The following ASB18 variants were observed in gnomAD, a reference collection of about 807,000 sequenced individuals.
The protein encoded by ASB18 is ankyrin repeat and SOCS box protein 18.
ASB18 carries 33 observed loss-of-function variants against 33.4 expected under a neutral mutation model. The ratio of observed to expected loss-of-function variants is 0.99; its 90% CI spans 0.75 to 1.32. ASB18 has a LOEUF of 1.32. Among genes scored for constraint, ASB18 ranks in the 40% most tolerant of loss-of-function variants. ASB18 has a pLI of 0.00. For synonymous variants in ASB18, 295 were observed against 307.6 expected (o/e 0.96, Z 0.43); for missense variants, 694 against 655.5 (o/e 1.06, Z -0.64).
chr2:236,261,186 A>G (rs1202380542), intron 1 of ASB18, among the ~76,000 whole-genome samples: 1 of 152,214 alleles, frequency 6.6e-6, no homozygotes, highest in Non-Finnish European at 1.5e-5. Flanking sequence ...AAATGAGGAA[A>G]TTAAGGTTCA....
In ASB18 at chr2:236,203,015, G is replaced by T. The variant is rs541303177; in HGVS notation, c.1102-6630C>A. Among the ~76,000 whole-genome samples, 94 of 151,852 alleles carry T rather than the reference G, an allele frequency of 6.2e-4. No individual in the cohort carries two copies. Among genetic ancestry groups the T allele is most frequent in the African/African-American group, 2.2e-3 (90 of 41,358 alleles). On this transcript the variant is annotated intron_variant, in intron 4 of 5. Coordinates refer to ENST00000409749, the MANE Select transcript of ASB18 (RefSeq NM_212556.4). The surrounding 1 kb of genome is among the most constrained non-coding windows in gnomAD (Gnocchi z 6.0). ...TCCTTCAGTAACAATTTTGGTATTT[G>T]CATTTAGTTTTACAATGTGTTTCCC... is the stretch of plus-strand genomic sequence containing the variant.
intron 1 of ASB18, among the ~76,000 whole-genome samples, chr2:236,243,124 A>G (rs950851632): frequency 5.1e-4 from 77 of 150,208 alleles, no homozygotes; most frequent in Non-Finnish European, 1.0e-3. Context: ...AGGTCAGGAG[A>G]TCGAGATCAT....
Position 236,194,740 on chromosome 2 carries a change from A to G in ASB18, c.*132T>C, listed in dbSNP as rs2060362782. ...TGAAGCTTGGCAAGGTCTGTGCTTC[A>G]CCCGGTCCCACGGAGAGCAAGTGGG... On this transcript the variant is annotated 3_prime_UTR_variant, in exon 6 of 6. Coordinates refer to ENST00000409749, the MANE Select transcript of ASB18 (RefSeq NM_212556.4). The surrounding 1 kb of genome is among the most constrained non-coding windows in gnomAD (Gnocchi z 4.5). 1 of 755,200 alleles carries G rather than the reference A, an allele frequency of 1.3e-6. No individual in the cohort carries two copies. The highest frequency in any genetic ancestry group is 2.2e-5 in the South Asian group (1 of 46,410). 46.8% of individuals were successfully genotyped at this position (755,200 alleles called of 1,614,324 possible). A position where few individuals can be genotyped will look rare whatever the true frequency, so the allele number is the denominator to read the frequency against.
chr2:236,233,339 T>C (rs2060575578), intron 3 of ASB18, among the ~76,000 whole-genome samples: 1 of 152,126 alleles, frequency 6.6e-6, no homozygotes, highest in Admixed American at 6.5e-5. Flanking sequence ...TCATACTTAG[T>C]GGTGAATTAA....
At position 236,214,341 on chromosome 2, in the gene ASB18, C is replaced by T; in HGVS notation, c.1101+21G>A. The T allele has an allele frequency of 1.3e-6, 2 of 1,557,894 alleles. No homozygotes were observed. The stretch of plus-strand genomic sequence containing the variant: ...GGCAAAACTCCAGGGCACGTGCCAG[C>T]CGGGCTGGATCCTGCCTTACCTTGG... On this transcript the variant is annotated intron_variant, in intron 4 of 5. Coordinates refer to ENST00000409749, the MANE Select transcript of ASB18 (RefSeq NM_212556.4). The surrounding 1 kb of genome is among the most constrained non-coding windows in gnomAD (Gnocchi z 6.5).
chr2:236,205,858 C>T lies in ASB18; in HGVS notation c.1101+8504G>A, dbSNP rs6754475. 0.026 allele frequency among the ~76,000 whole-genome samples: 3,918 copies of T among 152,258 alleles called. 169 individuals are homozygous for T. The highest frequency in any genetic ancestry group is 0.084 in the African/African-American group (3,483 of 41,536). On this transcript the variant is annotated intron_variant, in intron 4 of 5. Coordinates refer to ENST00000409749, the MANE Select transcript of ASB18 (RefSeq NM_212556.4). The surrounding 1 kb of genome is among the most constrained non-coding windows in gnomAD (Gnocchi z 5.4). ...ATTTCATTGTCTTATGTTACTATTA[C>T]AGCAGAAACATCTGAGTCCAGCCTG...
rs1311217417 is a variant in ASB18 at position 236,196,243 on chromosome 2, A to G, written c.1215+29T>C. On this transcript the variant is annotated intron_variant, in intron 5 of 5. Coordinates refer to ENST00000409749, the MANE Select transcript of ASB18 (RefSeq NM_212556.4). The surrounding 1 kb of genome is among the most constrained non-coding windows in gnomAD (Gnocchi z 5.6). ...CAAAAACAGACAAAAGTTTTGTACTAAAGATGGGCAGAAAGGCAGCCCTCT... is the reference window on the plus strand; with the variant it reads ...CAAAAACAGACAAAAGTTTTGTACTGAAGATGGGCAGAAAGGCAGCCCTCT... 1.5e-6 allele frequency: 2 copies of G among 1,292,704 alleles called. No individual in the cohort carries two copies. The highest frequency in any genetic ancestry group is 2.5e-5 in the South Asian group (2 of 78,936). The allele number at this position is 1,292,704 out of a possible 1,614,324, so 80.1% of individuals were successfully genotyped here.
intron 3 of ASB18, among the ~76,000 whole-genome samples, chr2:236,233,953 GGAA>G (rs2060577816): frequency 6.6e-6 from 1 of 152,186 alleles, no homozygotes; most frequent in Non-Finnish European, 1.5e-5. Context: ...ACTTCAAGAA[GGAA>G]GAACTATGCT....
Position 236,194,932 on chromosome 2 carries a change from T to G in ASB18, c.1341A>C (p.Leu447Phe). Residue 447 changes from leucine to phenylalanine, a missense_variant, in exon 6 of 6, where the codon TTA becomes TTC. Coordinates refer to ENST00000409749, the MANE Select transcript of ASB18 (RefSeq NM_212556.4). The surrounding 1 kb of genome is among the most constrained non-coding windows in gnomAD (Gnocchi z 4.5). ...GKRCFDLIPLLPLPKPLQNYL... is the reference protein window; with the variant it reads ...GKRCFDLIPLFPLPKPLQNYL... Reference sequence around the variant, plus strand: ...AATTCTGCAGGGGCTTTGGCAAGGGTAACAGGGGGATGAGGTCAAAGCACC... The same window carrying G: ...AATTCTGCAGGGGCTTTGGCAAGGGGAACAGGGGGATGAGGTCAAAGCACC... 6.2e-7 allele frequency: 1 copy of G among 1,613,698 alleles called. No homozygotes were observed. The highest frequency in any genetic ancestry group is 8.5e-7 in the Non-Finnish European group (1 of 1,179,812).
chr2:236,196,436 T>A lies in ASB18; in HGVS notation c.1102-51A>T. On this transcript the variant is annotated intron_variant, in intron 4 of 5. Coordinates refer to ENST00000409749, the MANE Select transcript of ASB18 (RefSeq NM_212556.4). This position sits in a 1 kb window ranked among gnomAD's most constrained non-coding sequence, Gnocchi z 5.6. The stretch of plus-strand genomic sequence containing the variant: ...GCGTAGGCCGACTGGGTTCTGGGTC[T>A]CAGTGGGGAAAGGGTGGGGGGTGTG... 3.2e-6 allele frequency: 3 copies of A among 949,126 alleles called. No individual in the cohort carries two copies. Among genetic ancestry groups the A allele is most frequent in the Non-Finnish European group, 5.0e-6 (3 of 602,206 alleles). The allele number at this position is 949,126 out of a possible 1,614,324, so 58.8% of individuals were successfully genotyped here.
At position 236,217,424 on chromosome 2, in the gene ASB18, A is replaced by AATAATAAT. The variant is rs1553600512; in HGVS notation, c.597-2559_597-2558insATTATTAT. ...CGAGACTCTGTCTCAAAAAAAAAAA[A>AATAATAAT]AAATAAATCTTGGCACCTTCAACTC... On this transcript the variant is annotated intron_variant, in intron 3 of 5. Transcript: ENST00000409749. The surrounding 1 kb of genome is among the most constrained non-coding windows in gnomAD (Gnocchi z 5.2). Among the ~76,000 whole-genome samples the AATAATAAT allele has an allele frequency of 3.1e-4, 47 of 150,406 alleles. No individual in the cohort carries two copies. Among genetic ancestry groups the AATAATAAT allele is most frequent in the South Asian group, 2.1e-3 (10 of 4,760 alleles).
intron 1 of ASB18, among the ~76,000 whole-genome samples, chr2:236,261,765 C>T (rs910280446): frequency 3.3e-5 from 5 of 152,144 alleles, no homozygotes; most frequent in Admixed American, 1.3e-4. Flanking sequence ...CACAGTTCCA[C>T]GTGGCTGGGG....
rs777234124 is a variant in ASB18, at chr2:236,252,800, C to CAG, written c.205+11339_205+11340dup. 3.3e-5 allele frequency among the ~76,000 whole-genome samples: 5 copies of CAG among 152,178 alleles called. No homozygotes were observed. Among genetic ancestry groups the CAG allele is most frequent in the Admixed American group, 6.5e-5 (1 of 15,278 alleles). ...AGGGGCCTAGATCCTTTGGTGGACA[C>CAG]AGAGATGAACCACCCAGGCCCCAGC... On this transcript the variant is annotated intron_variant, in intron 1 of 5. Transcript: ENST00000409749. This position sits in a 1 kb window ranked among gnomAD's most constrained non-coding sequence, Gnocchi z 7.9.
Position 236,194,915 on chromosome 2 carries a change from A to C in ASB18, c.1358T>G (p.Leu453Arg), listed in dbSNP as rs915693208. The change falls in exon 6 of 6, where the codon CTG becomes CGG. Residue 453 changes from leucine (L) to arginine (R), a missense_variant. Leu to Arg is a moderately radical substitution (Grantham distance 102). Transcript: ENST00000409749. This position sits in a 1 kb window ranked among gnomAD's most constrained non-coding sequence, Gnocchi z 4.5. ...LIPLLPLPKP[L>R]QNYLLLEPQG... ...TGGCTCCAAAAGTAGGTAATTCTGC[A>C]GGGGCTTTGGCAAGGGTAACAGGGG... 1 of 1,613,826 alleles carries C rather than the reference A, an allele frequency of 6.2e-7. No homozygotes were observed. The highest frequency in any genetic ancestry group is 1.7e-5 in the Admixed American group (1 of 59,998).
rs2060671293 is a variant in ASB18, at chr2:236,252,135, G to A, written c.206-10733C>T. Among the ~76,000 whole-genome samples, 1 of 152,108 alleles carries A rather than the reference G, an allele frequency of 6.6e-6. No homozygotes were observed. Among genetic ancestry groups the A allele is most frequent in the Non-Finnish European group, 1.5e-5 (1 of 68,022 alleles). The stretch of plus-strand genomic sequence containing the variant: ...AAAGTACAAAAATCAGCTGAGGGTG[G>A]TGGTGTGCGGCTGCAGTCCCAGCTA... On this transcript the variant is annotated intron_variant, in intron 1 of 5. Coordinates refer to ENST00000409749, the MANE Select transcript of ASB18 (RefSeq NM_212556.4). This position sits in a 1 kb window ranked among gnomAD's most constrained non-coding sequence, Gnocchi z 7.9.
At chr2:236,212,797 T>A (rs79307443) in intron 4 of ASB18, among the ~76,000 whole-genome samples, 1 of 152,096 alleles carries the variant, frequency 6.6e-6, no homozygotes, top group East Asian at 1.9e-4. Context: ...GCTAATTTTT[T>A]TAAAAAAATT....
intron 3 of ASB18, among the ~76,000 whole-genome samples, chr2:236,230,112 G>C (rs2060557736): frequency 1.3e-5 from 2 of 151,744 alleles, no homozygotes; most frequent in Non-Finnish European, 2.9e-5. Flanking sequence ...TATTCCACCT[G>C]TTTGAGAAGA....
chr2:236,202,947 T>C (rs1363947891), intron 4 of ASB18, among the ~76,000 whole-genome samples: 1 of 151,954 alleles, frequency 6.6e-6, no homozygotes, highest in African/African-American at 2.4e-5. Context: ...GAGTTTTAGT[T>C]CCAGGTTGTC....
chr2:236,230,703 AATCACTT>A (rs1374107445), intron 3 of ASB18, among the ~76,000 whole-genome samples: 1 of 151,710 alleles, frequency 6.6e-6, no homozygotes, highest in Non-Finnish European at 1.5e-5. Context: ...ACCAGAAAGA[AATCACTT>A]AACACAACAA....
Sources: gnomAD v4.1 joint callset for allele counts (sites outside exome capture counted in the v4.1 genomes callset) on GRCh38, gnomAD v4.1.1 for gene constraint, Gnocchi (gnomAD v3.1) non-coding constraint, MANE v1.5 for transcripts, NCBI Gene and HGNC (gene_info 2026-07-23, HGNC 2026-07-21) for gene names.